Variants in ITGA6 observed in about 807,000 individuals in gnomAD.
ITGA6 encodes integrin subunit alpha 6, also known as integrin alpha-6.
ITGA6 carries 63 observed loss-of-function variants against 133.6 expected under a neutral mutation model. That is an observed-to-expected ratio of 0.47 (90% CI 0.38 to 0.58). The LOEUF is 0.58. ITGA6 is among the 20% of genes least tolerant of loss of function. The pLI is 0.00. For synonymous variants in ITGA6, 434 were observed against 482.0 expected (o/e 0.90, Z 1.30); for missense variants, 1,068 against 1,309.4 (o/e 0.82, Z 2.85).
At chr2:172,476,966 A>G (rs1362104250) in intron 9 of ITGA6, among the ~76,000 whole-genome samples, 1 of 152,210 alleles carries the variant, frequency 6.6e-6, no homozygotes, top group Admixed American at 6.5e-5. Context: ...TCTTTAGGAT[A>G]CATAGTAGAC....
At chr2:172,441,556 C>CT (rs201928460) in intron 1 of ITGA6, among the ~76,000 whole-genome samples, 2 of 53,610 alleles carry the variant, frequency 3.7e-5, no homozygotes, top group African/African-American at 1.7e-4. Flanking sequence ...GACGCTGTCT[C>CT]TTTAAAAAAA....
At chr2:172,488,103 A>T in intron 18 of ITGA6, 23 bp from the exon 19 acceptor site, 2 of 1,611,156 alleles carry the variant, frequency 1.2e-6, no homozygotes, top group South Asian at 2.2e-5. Flanking sequence ...CCTCATTAAA[A>T]CTGGTGTTTT....
chr2:172,469,096 A>G (rs1685804391), intron 3 of ITGA6, 29 bp from the exon 4 acceptor site: 2 of 1,613,742 alleles, frequency 1.2e-6, no homozygotes, highest in South Asian at 1.1e-5. Flanking sequence ...ATAGACAAGA[A>G]TGGGCTACTT....
chr2:172,442,754 C>A (rs1465595792), intron 1 of ITGA6, among the ~76,000 whole-genome samples: 1 of 152,262 alleles, frequency 6.6e-6, no homozygotes, highest in Non-Finnish European at 1.5e-5. Context: ...GTTGTCATGC[C>A]TCTGGAACGG....
chr2:172,429,266 G>A (rs563901559), intron 1 of ITGA6, among the ~76,000 whole-genome samples: 1 of 151,894 alleles, frequency 6.6e-6, no homozygotes, highest in African/African-American at 2.4e-5. Flanking sequence ...GAGGCTATAT[G>A]CCTGGCCAGC....
At chr2:172,478,646 G>A (rs1299462422) in intron 9 of ITGA6, among the ~76,000 whole-genome samples, 2 of 152,214 alleles carry the variant, frequency 1.3e-5, no homozygotes, top group Admixed American at 6.5e-5. Context: ...AGTAGGGCGT[G>A]GAATTGGATT....
chr2:172,465,011 C>T (rs547697716), intron 1 of ITGA6: 1 of 164,780 alleles, frequency 6.1e-6, no homozygotes, highest in Admixed American at 5.7e-5. Context: ...TTGTATCTTA[C>T]TTACCATTAG....
In ITGA6 at chr2:172,491,137, A is replaced by G; in HGVS notation, c.2778+15A>G. On this transcript the variant is annotated intron_variant, in intron 21 of 25. Coordinates refer to ENST00000684293, the MANE Select transcript of ITGA6 (RefSeq NM_000210.4). The surrounding 1 kb of genome is among the most constrained non-coding windows in gnomAD (Gnocchi z 4.4). ...ACCAGACTCTTGTAAGTATTTTTCA[A>G]GAGCTGTGAATATTTGAGAGGATGA... The G allele has an allele frequency of 6.9e-7, 1 of 1,450,620 alleles. No individual in the cohort carries two copies. The allele number at this position is 1,450,620 out of a possible 1,614,324, so 89.9% of individuals were successfully genotyped here.
chr2:172,445,392 G>A (rs1684721314), intron 1 of ITGA6, among the ~76,000 whole-genome samples: 1 of 142,084 alleles, frequency 7.0e-6, no homozygotes, highest in African/African-American at 2.6e-5. Context: ...GCTCACGCCT[G>A]TAATCCCAGC....
chr2:172,479,715 C>T lies in ITGA6; in HGVS notation c.1463C>T (p.Ala488Val), dbSNP rs572209759. 1.1e-5 allele frequency: 17 copies of T among 1,613,608 alleles called. 1 individual carries two copies. Among genetic ancestry groups the T allele is most frequent in the South Asian group, 9.9e-5 (9 of 91,050 alleles). ...PNRIDLRQKT[A>V]CGAPSGICLQ... ...AGAATTGACCTCCGCCAGAAAACAG[C>T]GTGTGGGGCGCCTAGTGGGATATGG... is the stretch of plus-strand genomic sequence containing the variant. The change falls in exon 10 of 26, where the codon GCG becomes GTG. Residue 488 changes from alanine to valine, a missense_variant. Physicochemically the swap from Ala to Val is moderately conservative, Grantham distance 64. This residue lies in a region of ITGA6 where 609 missense variants were observed against 707.2 expected (regional missense o/e 0.86). Transcript: ENST00000684293.
At position 172,487,947 on chromosome 2, in the gene ITGA6, C is replaced by CT. The variant is rs761061782; in HGVS notation, c.2325-10dup. 20 of 1,611,118 alleles carry CT rather than the reference C, an allele frequency of 1.2e-5. No individual in the cohort carries two copies. Among genetic ancestry groups the CT allele is most frequent in the Non-Finnish European group, 1.5e-5 (18 of 1,177,624 alleles). On this transcript the variant is annotated splice_polypyrimidine_tract_variant and intron_variant, in intron 17 of 25. Transcript: ENST00000684293. ...TGGTAAAATACAACCCTATTGTTTC[C>CT]TTTTCATTTTCAGAACAAGCAATCA...
At chr2:172,466,137 G>C (rs1305709591) in intron 2 of ITGA6, 1 of 257,804 alleles carries the variant, frequency 3.9e-6, no homozygotes, top group East Asian at 1.0e-4. Context: ...GTTTTGTTAA[G>C]GGCTCTGGAT....
chr2:172,460,743 C>T (rs1373901310), intron 1 of ITGA6, among the ~76,000 whole-genome samples: 1 of 152,172 alleles, frequency 6.6e-6, no homozygotes, highest in Non-Finnish European at 1.5e-5. Context: ...GTAAAGGTGA[C>T]ACAATTGCCA....
rs867212383 is a variant in ITGA6, at chr2:172,451,609, G to A, written c.183-13930G>A. On this transcript the variant is annotated intron_variant, in intron 1 of 25. Transcript: ENST00000684293. ...GAGTATGGAGTTAGGAGAGAGGCTGGGGCTGAAAAGAGGTGTTTTGAGAGT... is the reference window on the plus strand; with the variant it reads ...GAGTATGGAGTTAGGAGAGAGGCTGAGGCTGAAAAGAGGTGTTTTGAGAGT... Among the ~76,000 whole-genome samples the A allele has an allele frequency of 7.9e-5, 12 of 152,258 alleles. 1 individual carries two copies. The highest frequency in any genetic ancestry group is 3.4e-3 in the Middle Eastern group (1 of 294).
At chr2:172,477,391 A>AT (rs35715378) in intron 9 of ITGA6, among the ~76,000 whole-genome samples, 3 of 152,056 alleles carry the variant, frequency 2.0e-5, no homozygotes, top group African/African-American at 7.2e-5. Context: ...TAGCAGATTT[A>AT]TTTTTTTTAA....
intron 19 of ITGA6, among the ~76,000 whole-genome samples, chr2:172,489,060 G>A (rs1269461566): frequency 1.3e-5 from 2 of 152,184 alleles, no homozygotes; most frequent in African/African-American, 4.8e-5. Flanking sequence ...TGGGACAGAG[G>A]CAGCTTCATT....
intron 1 of ITGA6, among the ~76,000 whole-genome samples, chr2:172,440,966 A>G (rs1286452268): frequency 6.6e-6 from 1 of 152,178 alleles, no homozygotes; most frequent in Non-Finnish European, 1.5e-5. Flanking sequence ...TGTTCAGGGA[A>G]CACCAATTGG....
At chr2:172,467,682 G>A in intron 3 of ITGA6, 122 bp downstream of exon 3, 1 of 766,052 alleles carries the variant, frequency 1.3e-6, no homozygotes, top group Non-Finnish European at 2.3e-6. Flanking sequence ...TTTAAAGCAG[G>A]AATGGATGTC....
intron 9 of ITGA6, among the ~76,000 whole-genome samples, chr2:172,478,291 A>G (rs1322498010): frequency 6.6e-6 from 1 of 152,260 alleles, no homozygotes; most frequent in East Asian, 1.9e-4. Context: ...CTTGTGCTCT[A>G]GCCTACCAAC....
Sources: allele counts gnomAD v4.1 joint callset (sites outside exome capture counted in the v4.1 genomes callset), GRCh38; gene constraint gnomAD v4.1.1; regional missense constraint gnomAD v4.1.1; non-coding constraint Gnocchi (gnomAD v3.1); transcripts MANE v1.5; gene names NCBI Gene and HGNC (gene_info 2026-07-23, HGNC 2026-07-21).